SLC1A1: variants seen among roughly 807,000 people sequenced by gnomAD.
SLC1A1 encodes solute carrier family 1 member 1.
Under a neutral mutation model 53.3 loss-of-function variants are expected in SLC1A1, and 43 were observed. The ratio of observed to expected loss-of-function variants is 0.81; its 90% confidence interval spans 0.63 to 1.04. The LOEUF (loss-of-function observed/expected upper bound fraction) is 1.04. Among genes scored for constraint, SLC1A1 ranks in the 50% least tolerant of loss-of-function variants. The probability of loss-of-function intolerance (pLI) is 0.00; values close to 1 mark genes in which losing one functional copy is unlikely to be tolerated. For missense variants in SLC1A1, 748 were observed against 664.9 expected, an observed-to-expected ratio of 1.12 and a Z score of -1.37; for synonymous variants, 307 against 243.2, an observed-to-expected ratio of 1.26 and a Z score of -2.44.
At chr9:4,506,836 T>C (rs1563997433) in intron 1 of SLC1A1, among the ~76,000 whole-genome samples, 1 of 152,192 alleles carries the variant, frequency 6.6e-6, no homozygotes. Context: ...TCTTAGATTC[T>C]CTCTCCCCTC....
intron 2 of SLC1A1, among the ~76,000 whole-genome samples, chr9:4,560,441 C>G (rs1327128966): frequency 6.6e-6 from 1 of 151,996 alleles, no homozygotes; most frequent in Non-Finnish European, 1.5e-5. Context: ...GGGTTAGAAA[C>G]TATAAAATTC....
At chr9:4,550,574 C>T (rs556124031) in intron 2 of SLC1A1, among the ~76,000 whole-genome samples, 6 of 152,162 alleles carry the variant, frequency 3.9e-5, no homozygotes, top group African/African-American at 1.2e-4. Flanking sequence ...TTACTTTTGT[C>T]GCGATAGGGT....
chr9:4,572,426 G>A (rs368564690), intron 7 of SLC1A1, 38 bp downstream of exon 7: 7 of 1,547,588 alleles, frequency 4.5e-6, no homozygotes, highest in African/African-American at 1.4e-5. Flanking sequence ...TGCTTCCCCT[G>A]ACAATTCTGT....
At chr9:4,581,533 A>G (rs1319595763) in intron 10 of SLC1A1, among the ~76,000 whole-genome samples, 5 of 152,250 alleles carry the variant, frequency 3.3e-5, no homozygotes, top group Admixed American at 3.3e-4. Context: ...CTATAGAGAC[A>G]TGGATTACTG....
intron 1 of SLC1A1, among the ~76,000 whole-genome samples, chr9:4,542,889 A>G (rs1202608065): frequency 6.6e-6 from 1 of 152,222 alleles, no homozygotes; most frequent in Non-Finnish European, 1.5e-5. Context: ...TCTTAGCTAC[A>G]ATTTGGGAAA....
At chr9:4,507,517 T>C (rs1448197317) in intron 1 of SLC1A1, among the ~76,000 whole-genome samples, 6 of 152,204 alleles carry the variant, frequency 3.9e-5, no homozygotes, top group African/African-American at 9.7e-5. Flanking sequence ...AAGATAAAAG[T>C]AAATGTTTCT....
chr9:4,585,983 T>C lies in SLC1A1; in HGVS notation c.*425T>C, dbSNP rs886063968. The C allele has an allele frequency of 3.7e-5, 7 of 188,930 alleles. No homozygotes were observed. In the East Asian group the frequency reaches 7.3e-4, roughly 20 times the overall value. 11.7% of individuals were successfully genotyped at this position (188,930 alleles called of 1,614,324 possible). ...CTATTGGCATGGATTTCCTTTGACCTCTCACTTTTTTATAAATTATAATGC... is the reference window on the plus strand; with the variant it reads ...CTATTGGCATGGATTTCCTTTGACCCCTCACTTTTTTATAAATTATAATGC... On this transcript the variant is annotated 3_prime_UTR_variant, in exon 12 of 12. Transcript: ENST00000262352.
intron 1 of SLC1A1, among the ~76,000 whole-genome samples, chr9:4,508,297 C>T (rs990594126): frequency 3.3e-5 from 5 of 152,118 alleles, no homozygotes; most frequent in Admixed American, 2.6e-4. Context: ...ATATGTATCT[C>T]GGGAAATAAT....
At position 4,536,371 on chromosome 9, in the gene SLC1A1, A is replaced by G. The variant is rs375914096; in HGVS notation, c.92-8196A>G. Among the ~76,000 whole-genome samples, 389 of 152,278 alleles carry G rather than the reference A, an allele frequency of 2.6e-3. 2 individuals are homozygous for G. Among genetic ancestry groups the G allele is most frequent in the Middle Eastern group, 0.017 (5 of 294 alleles). On this transcript the variant is annotated intron_variant, in intron 1 of 11. Transcript: ENST00000262352. The stretch of plus-strand genomic sequence containing the variant: ...AAGAAAAAAAAACAGCCCCATCAAA[A>G]AGTGGGCGAAGGATATGAACAGACA...
intron 1 of SLC1A1, among the ~76,000 whole-genome samples, chr9:4,534,967 T>C (rs1816618630): frequency 6.6e-6 from 1 of 152,270 alleles, no homozygotes; most frequent in African/African-American, 2.4e-5. Context: ...CATATGATTA[T>C]CTTAATAGAT....
chr9:4,540,511 C>T (rs1399317963), intron 1 of SLC1A1, among the ~76,000 whole-genome samples: 2 of 152,200 alleles, frequency 1.3e-5, no homozygotes, highest in Admixed American at 6.5e-5. Flanking sequence ...AGAGCGCTGA[C>T]TAAAACACAT....
At chr9:4,528,532 C>T (rs112202957) in intron 1 of SLC1A1, among the ~76,000 whole-genome samples, 5,040 of 152,184 alleles carry the variant, frequency 0.033, 143 homozygotes, top group South Asian at 0.054. Flanking sequence ...GCCAAGATCA[C>T]GCCACTGCAC....
chr9:4,532,972 A>G (rs576855732), intron 1 of SLC1A1, among the ~76,000 whole-genome samples: 58 of 152,314 alleles, frequency 3.8e-4, no homozygotes, highest in African/African-American at 1.4e-3. Context: ...TAAGCTTCAT[A>G]AGTGAAGGAG....
At chr9:4,498,124 A>G (rs1408026823) in intron 1 of SLC1A1, among the ~76,000 whole-genome samples, 1 of 152,210 alleles carries the variant, frequency 6.6e-6, no homozygotes, top group Non-Finnish European at 1.5e-5. Flanking sequence ...TTATGACTGT[A>G]TATTCATTCC....
At chr9:4,548,871 G>A (rs371223697) in intron 2 of SLC1A1, among the ~76,000 whole-genome samples, 3 of 152,128 alleles carry the variant, frequency 2.0e-5, no homozygotes, top group Non-Finnish European at 4.4e-5. Flanking sequence ...GAATCCTACC[G>A]ATAAATTACA....
At chr9:4,523,629 C>T (rs186267431) in intron 1 of SLC1A1, among the ~76,000 whole-genome samples, 1 of 152,318 alleles carries the variant, frequency 6.6e-6, no homozygotes, top group Admixed American at 6.5e-5. Flanking sequence ...ACTCTGTAAC[C>T]ATGACTTACC....
intron 1 of SLC1A1, among the ~76,000 whole-genome samples, chr9:4,510,077 G>A (rs568477965): frequency 8.5e-5 from 13 of 152,176 alleles, no homozygotes; most frequent in African/African-American, 1.2e-4. Context: ...CAAGTGATCC[G>A]CCCACCTTGG....
At position 4,529,692 on chromosome 9, in the gene SLC1A1, T is replaced by TG. The variant is rs1004894367; in HGVS notation, c.92-14875_92-14874insG. 2.8e-3 allele frequency among the ~76,000 whole-genome samples: 420 copies of TG among 151,838 alleles called. 2 individuals carry two copies. The highest frequency in any genetic ancestry group is 8.9e-3 in the African/African-American group (367 of 41,418). Reference sequence around the variant, plus strand: ...GCCATCAGTCAAAATGAAACTTTTTTTGTGTGTGTGTGTGTGTTGTAGAGA... The same window carrying TG: ...GCCATCAGTCAAAATGAAACTTTTTTGTGTGTGTGTGTGTGTGTTGTAGAGA... On this transcript the variant is annotated intron_variant, in intron 1 of 11. Transcript: ENST00000262352.
At chr9:4,501,450 A>G (rs138598430) in intron 1 of SLC1A1, among the ~76,000 whole-genome samples, 2 of 151,780 alleles carry the variant, frequency 1.3e-5, no homozygotes, top group East Asian at 3.9e-4. Context: ...TTTGGGTATA[A>G]CACTTCCAGA....
Sources: gnomAD v4.1 joint callset for allele counts (sites outside exome capture counted in the v4.1 genomes callset) on GRCh38, gnomAD v4.1.1 for gene constraint, MANE v1.5 for transcripts, NCBI Gene and HGNC (gene_info 2026-07-23, HGNC 2026-07-21) for gene names.